Variants in ST13 observed in about 807,000 individuals in gnomAD.
ST13 encodes the protein hsc70-interacting protein.
ST13 carries 23 observed loss-of-function variants against 56.7 expected under a neutral mutation model. That is an observed-to-expected ratio of 0.41 (90% confidence interval 0.29 to 0.57). The LOEUF is 0.57. Ranked by LOEUF, ST13 falls within the 20% of genes least tolerant of loss-of-function variation. The probability of loss-of-function intolerance (pLI) is 0.36; values close to 1 mark genes in which losing one functional copy is unlikely to be tolerated. For synonymous variants in ST13, 132 were observed against 142.4 expected, an observed-to-expected ratio of 0.93 and a Z score of 0.52; for missense variants, 369 against 459.9, an observed-to-expected ratio of 0.80 and a Z score of 1.81.
At chr22:40,850,927 C>T (rs201701527) in intron 1 of ST13, 47 bp from the exon 2 acceptor site, 299 of 1,416,654 alleles carry the variant, frequency 2.1e-4, no homozygotes, top group African/African-American at 2.3e-4. Context: ...AATTAAAATT[C>T]ACTGTCACGC....
rs2057799310 is a variant in ST13, at chr22:40,840,630, A to C, written c.378T>G (p.Asn126Lys). The change falls in exon 5 of 12, where the codon AAT (asparagine) becomes AAG (lysine). Residue 126 changes from asparagine (N) to lysine (K), a missense_variant. Asn to Lys is a moderately conservative substitution (Grantham distance 94). Transcript: ENST00000216218. ...DKKVAAIEAL[N>K]DGELQKAIDL... ...TGTAGCAAAAAGATTACTCACCATC[A>C]TTTAGGGCTTCAATAGCAGCCACTT... is the stretch of plus-strand genomic sequence containing the variant. The C allele has an allele frequency of 6.2e-7, 1 of 1,609,788 alleles. No homozygotes were observed.
intron 1 of ST13, 108 bp downstream of exon 1, chr22:40,856,323 A>T: frequency 1.1e-6 from 1 of 946,698 alleles, no homozygotes; most frequent in Non-Finnish European, 1.7e-6. Context: ...CCGGGCAAAG[A>T]AGGGGCAGCG....
intron 5 of ST13, 67 bp downstream of exon 5, chr22:40,840,559 A>T: frequency 7.2e-7 from 1 of 1,380,550 alleles, no homozygotes; most frequent in Non-Finnish European, 1.0e-6. Flanking sequence ...CTTCTACTTT[A>T]CCACTATTTA....
At chr22:40,849,114 G>T (rs1175544609) in intron 2 of ST13, among the ~76,000 whole-genome samples, 1 of 152,010 alleles carries the variant, frequency 6.6e-6, no homozygotes, top group Admixed American at 6.6e-5. Flanking sequence ...ACCATTATCA[G>T]CCTACCTTCA....
chr22:40,846,558 G>C (rs965456422), intron 3 of ST13, among the ~76,000 whole-genome samples: 1 of 152,180 alleles, frequency 6.6e-6, no homozygotes, highest in Non-Finnish European at 1.5e-5. Flanking sequence ...TTTAGGTGGA[G>C]AGTTGGTTAA....
At chr22:40,832,848 A>C (rs567197668) in intron 7 of ST13, among the ~76,000 whole-genome samples, 177 bp from the exon 8 acceptor site, 5 of 152,358 alleles carry the variant, frequency 3.3e-5, no homozygotes, top group Non-Finnish European at 7.3e-5. Context: ...CTCTATAAAA[A>C]CCTGAAAACA....
intron 3 of ST13, among the ~76,000 whole-genome samples, chr22:40,847,176 C>T (rs1235419400): frequency 2.6e-5 from 4 of 152,072 alleles, no homozygotes; most frequent in Non-Finnish European, 5.9e-5. Context: ...AAATATGAAC[C>T]AGTTTTATCA....
chr22:40,855,716 T>TGGAAA (rs1375050335), intron 1 of ST13, among the ~76,000 whole-genome samples: 8 of 152,216 alleles, frequency 5.3e-5, no homozygotes, highest in African/African-American at 1.9e-4. Context: ...AGACAGTACT[T>TGGAAA]ATACTGTTTC....
intron 1 of ST13, among the ~76,000 whole-genome samples, chr22:40,853,690 C>T (rs1221657777): frequency 1.3e-5 from 2 of 152,196 alleles, no homozygotes; most frequent in Non-Finnish European, 2.9e-5. Flanking sequence ...TTGGTTGCTA[C>T]ACTCTAAATT....
chr22:40,848,088 G>A (rs2057841802), intron 3 of ST13, among the ~76,000 whole-genome samples: 1 of 151,882 alleles, frequency 6.6e-6, no homozygotes, highest in Non-Finnish European at 1.5e-5. Context: ...GATTACACAT[G>A]TCAATATTTC....
At chr22:40,852,848 G>A (rs2057868880) in intron 1 of ST13, among the ~76,000 whole-genome samples, 1 of 152,262 alleles carries the variant, frequency 6.6e-6, no homozygotes, top group South Asian at 2.1e-4. Flanking sequence ...AAATTTTAAT[G>A]AAGACACAGG....
chr22:40,828,408 T>C (rs1320493369), intron 10 of ST13, among the ~76,000 whole-genome samples: 1 of 148,694 alleles, frequency 6.7e-6, no homozygotes, highest in South Asian at 2.1e-4. Flanking sequence ...ATCGAGACCA[T>C]CCTGGCTAAC....
At position 40,835,560 on chromosome 22, in the gene ST13, C is replaced by T; in HGVS notation, c.578G>A (p.Arg193Lys). Residue 193 changes from arginine (R) to lysine (K), a missense_variant and splice_region_variant, in exon 7 of 12, where the codon AGA becomes AAA. By Grantham distance (26) the Arg-to-Lys change is conservative. Transcript: ENST00000216218. ...AAAATAATTAAATTCAATTATTTAC[C>T]TGTGTGCTTTCCCCCGCCACTTGTA... ...QPYKWRGKAHRLLGHWEEAAH... is the reference protein window; with the variant it reads ...QPYKWRGKAHKLLGHWEEAAH... 6.2e-7 allele frequency: 1 copy of T among 1,603,182 alleles called. No homozygotes were observed. Among genetic ancestry groups the T allele is most frequent in the South Asian group, 1.1e-5 (1 of 90,696 alleles).
intron 1 of ST13, among the ~76,000 whole-genome samples, chr22:40,853,851 T>C (rs1005567572): frequency 2.0e-5 from 3 of 152,172 alleles, no homozygotes; most frequent in Non-Finnish European, 2.9e-5. Flanking sequence ...ACATACAAGA[T>C]ACTAAATTGT....
chr22:40,846,995 TCCAAAAAAACC>T (rs1206927987), intron 3 of ST13, among the ~76,000 whole-genome samples: 7 of 151,168 alleles, frequency 4.6e-5, no homozygotes, highest in African/African-American at 1.2e-4. Context: ...ACTCAAGTCT[TCCAAAAAAACC>T]CCAAAAAAAC....
chr22:40,836,505 ATAAAT>A (rs750885232), intron 5 of ST13, among the ~76,000 whole-genome samples: 24 of 152,154 alleles, frequency 1.6e-4, no homozygotes, highest in Admixed American at 1.2e-3. Flanking sequence ...AAAGGATAAG[ATAAAT>A]TAATTTTATT....
Position 40,850,864 on chromosome 22 carries a change from G to T in ST13, c.127C>A (p.Pro43Thr). The change falls in exon 2 of 12, where the codon CCA (proline) becomes ACA (threonine). Residue 43 changes from proline to threonine, a missense_variant. Coordinates refer to ENST00000216218, the MANE Select transcript of ST13 (RefSeq NM_003932.5). ...GATTTAGCTTTCTGAGTAGCAGGTGGTACTTTACCACCCATGCTTGAAGAA... is the reference window on the plus strand; with the variant it reads ...GATTTAGCTTTCTGAGTAGCAGGTGTTACTTTACCACCCATGCTTGAAGAA... ...EWVESMGGKV[P>T]PATQKAKSEE... is the part of the protein sequence containing the mutation. 6.2e-7 allele frequency: 1 copy of T among 1,600,658 alleles called. No individual in the cohort carries two copies. Among genetic ancestry groups the T allele is most frequent in the Admixed American group, 1.8e-5 (1 of 55,816 alleles).
In ST13 at chr22:40,828,602, G is replaced by C. The variant is rs182199603; in HGVS notation, c.847+1024C>G. 4.0e-3 allele frequency among the ~76,000 whole-genome samples: 613 copies of C among 151,728 alleles called. 3 individuals are homozygous for C. Among genetic ancestry groups the C allele is most frequent in the African/African-American group, 0.014 (571 of 41,376 alleles). ...CACTCCAGCCTGGGCGACAGAGCGA[G>C]GCTCTGTCTCAATAATAAAAAAAAA... On this transcript the variant is annotated intron_variant, in intron 10 of 11. Coordinates refer to ENST00000216218, the MANE Select transcript of ST13 (RefSeq NM_003932.5).
intron 1 of ST13, among the ~76,000 whole-genome samples, chr22:40,854,788 A>T (rs1467311954): frequency 1.3e-5 from 2 of 152,212 alleles, no homozygotes; most frequent in Non-Finnish European, 2.9e-5. Context: ...CTTTCCTATA[A>T]TTAGGATAAA....
Sources: gnomAD v4.1 joint callset for allele counts (sites outside exome capture counted in the v4.1 genomes callset) on GRCh38, gnomAD v4.1.1 for gene constraint, MANE v1.5 for transcripts, NCBI Gene and HGNC (gene_info 2026-07-23, HGNC 2026-07-21) for gene names.